The following CDX1 variants were observed in gnomAD, a reference collection of about 807,000 sequenced individuals.
CDX1 encodes homeobox protein CDX-1.
CDX1 carries 9 observed loss-of-function variants against 16.9 expected under a neutral mutation model. That is an observed-to-expected ratio of 0.53 (90% CI 0.32 to 0.93). The LOEUF is 0.93. Among genes scored for constraint, CDX1 ranks in the 40% least tolerant of loss-of-function variants. The pLI is 0.04. For synonymous variants in CDX1, 179 were observed against 179.0 expected, an observed-to-expected ratio of 1.00 and a Z score of 0.00; for missense variants, 393 against 386.1, an observed-to-expected ratio of 1.02 and a Z score of -0.15.
chr5:150,173,637 A>G (rs1761533999), intron 1 of CDX1, among the ~76,000 whole-genome samples: 1 of 152,268 alleles, frequency 6.6e-6, no homozygotes, highest in Non-Finnish European at 1.5e-5. Context: ...GAGATAATGA[A>G]CTATTTATCA....
Position 150,167,156 on chromosome 5 carries a change from C to G in CDX1, c.280C>G (p.Pro94Ala), listed in dbSNP as rs1420617888. ...CAGCCCAGCTTCGCTGGCATTCGGG[C>G]CCCCTCCAGACTTTAGCCCGGTGCC... ...AASPASLAFG[P>A]PPDFSPVPAP... Residue 94 changes from proline (P) to alanine (A), a missense_variant, in exon 1 of 3, where the codon CCC becomes GCC. Physicochemically the swap from Pro to Ala is conservative, Grantham distance 27. Transcript: ENST00000231656. 2 of 1,318,904 alleles carry G rather than the reference C, an allele frequency of 1.5e-6. No individual in the cohort carries two copies. The highest frequency in any genetic ancestry group is 2.2e-5 in the South Asian group (1 of 44,864). The allele number at this position is 1,318,904 out of a possible 1,614,324, so 81.7% of individuals were successfully genotyped here.
chr5:150,177,280 C>G (rs2113952154), intron 1 of CDX1, among the ~76,000 whole-genome samples: 1 of 152,364 alleles, frequency 6.6e-6, no homozygotes, highest in African/African-American at 2.4e-5. Context: ...TTGGGAGGTT[C>G]ACGTTTCCAA....
intron 1 of CDX1, among the ~76,000 whole-genome samples, chr5:150,176,353 C>G (rs1761568997): frequency 6.6e-6 from 1 of 152,248 alleles, no homozygotes; most frequent in African/African-American, 2.4e-5. Context: ...GGGCTCTTTG[C>G]AGTAGCATTC....
At chr5:150,167,525 C>A (rs1761444499) in intron 1 of CDX1, among the ~76,000 whole-genome samples, 2 of 152,226 alleles carry the variant, frequency 1.3e-5, no homozygotes, top group African/African-American at 2.4e-5. Flanking sequence ...ACAGCCTAAC[C>A]CTCTCTCTGT....
In CDX1 at chr5:150,174,673, G is replaced by A. The variant is rs150388272; in HGVS notation, c.445+7352G>A. On this transcript the variant is annotated intron_variant, in intron 1 of 2. Coordinates refer to ENST00000231656, the MANE Select transcript of CDX1 (RefSeq NM_001804.3). ...TTTTATTTAATTAATGTGGCTAGTT[G>A]CTGTCATATTGGACAGTGCAGAAAA... is the stretch of plus-strand genomic sequence containing the variant. Among the ~76,000 whole-genome samples the A allele has an allele frequency of 2.0e-3, 299 of 152,166 alleles. 2 individuals carry two copies. The highest frequency in any genetic ancestry group is 6.9e-3 in the African/African-American group (285 of 41,514).
chr5:150,168,879 T>C (rs1761468923), intron 1 of CDX1, among the ~76,000 whole-genome samples: 1 of 152,248 alleles, frequency 6.6e-6, no homozygotes, highest in South Asian at 2.1e-4. Context: ...AAAAATCTGC[T>C]GAAAGGTACA....
chr5:150,180,598 A>T (rs191276392), intron 1 of CDX1, among the ~76,000 whole-genome samples: 100 of 152,206 alleles, frequency 6.6e-4, no homozygotes, highest in South Asian at 1.0e-3. Context: ...ACCCAAGAAG[A>T]TGAAGGCTGG....
At chr5:150,180,529 TG>T (rs1055520253) in intron 1 of CDX1, among the ~76,000 whole-genome samples, 2 of 151,986 alleles carry the variant, frequency 1.3e-5, no homozygotes, top group Non-Finnish European at 2.9e-5. Context: ...GGCGTCAGAA[TG>T]GGGGCGGGTG....
Position 150,168,824 on chromosome 5 carries a change from T to C in CDX1, c.445+1503T>C, listed in dbSNP as rs79900131. ...GTGAAATTAGAGAGAAGGGAGATTATGCAGTGGTTTGTACCCTTGTTTAAG... is the reference window on the plus strand; with the variant it reads ...GTGAAATTAGAGAGAAGGGAGATTACGCAGTGGTTTGTACCCTTGTTTAAG... On this transcript the variant is annotated intron_variant, in intron 1 of 2. Coordinates refer to ENST00000231656, the MANE Select transcript of CDX1 (RefSeq NM_001804.3). 5.1e-3 allele frequency among the ~76,000 whole-genome samples: 773 copies of C among 152,374 alleles called. 6 individuals carry two copies. The highest frequency in any genetic ancestry group is 0.018 in the African/African-American group (753 of 41,584).
intron 1 of CDX1, among the ~76,000 whole-genome samples, 183 bp downstream of exon 1, chr5:150,167,504 C>T (rs575082588): frequency 6.6e-6 from 1 of 152,224 alleles, no homozygotes; most frequent in East Asian, 1.9e-4. Context: ...GCTATCGGAG[C>T]CTTCAGCAGC....
At chr5:150,169,244 T>C (rs1761472734) in intron 1 of CDX1, among the ~76,000 whole-genome samples, 1 of 152,012 alleles carries the variant, frequency 6.6e-6, no homozygotes, top group Non-Finnish European at 1.5e-5. Flanking sequence ...ACAAATCACC[T>C]CGTGTCTCTG....
chr5:150,168,352 T>C (rs1761461528), intron 1 of CDX1, among the ~76,000 whole-genome samples: 1 of 152,254 alleles, frequency 6.6e-6, no homozygotes, highest in Non-Finnish European at 1.5e-5. Context: ...TCGGGGCAGA[T>C]GCTGGGTTGG....
chr5:150,176,137 A>G (rs1025101448), intron 1 of CDX1, among the ~76,000 whole-genome samples: 1 of 152,160 alleles, frequency 6.6e-6, no homozygotes, highest in Non-Finnish European at 1.5e-5. Flanking sequence ...CGCTGCTACA[A>G]TTTAGGCCCC....
At chr5:150,168,178 G>A (rs1330032880) in intron 1 of CDX1, among the ~76,000 whole-genome samples, 1 of 152,218 alleles carries the variant, frequency 6.6e-6, no homozygotes, top group Non-Finnish European at 1.5e-5. Flanking sequence ...ACTGTGTCCG[G>A]CCTGTCCTGA....
At chr5:150,175,172 T>A (rs917287375) in intron 1 of CDX1, among the ~76,000 whole-genome samples, 2 of 152,240 alleles carry the variant, frequency 1.3e-5, no homozygotes, top group Non-Finnish European at 2.9e-5. Context: ...GTTATTACTT[T>A]GGTCTCCATA....
intron 1 of CDX1, 34 bp from the exon 2 acceptor site, chr5:150,182,734 C>T: frequency 6.5e-7 from 1 of 1,528,600 alleles, no homozygotes. Flanking sequence ...CTCCTCTCAA[C>T]TCACCTTCCT....
At chr5:150,174,819 C>G (rs1248102635) in intron 1 of CDX1, among the ~76,000 whole-genome samples, 1 of 151,412 alleles carries the variant, frequency 6.6e-6, no homozygotes, top group African/African-American at 2.4e-5. Context: ...TCTTGTCGCC[C>G]AGGCTGGACT....
Position 150,167,007 on chromosome 5 carries a change from A to G in CDX1, c.131A>G (p.Asp44Gly). Residue 44 changes from aspartate to glycine, a missense_variant, in exon 1 of 3, where the codon GAC becomes GGC. Physicochemically the swap from Asp to Gly is moderately conservative, Grantham distance 94. Transcript: ENST00000231656. ...CCCCCGGCGCCCCCGCAGTACCCCGACTTCTCCAGCTACTCTCACGTGGAG... is the reference window on the plus strand; with the variant it reads ...CCCCCGGCGCCCCCGCAGTACCCCGGCTTCTCCAGCTACTCTCACGTGGAG... ...APPPAPPQYP[D>G]FSSYSHVEPA... The G allele has an allele frequency of 2.1e-6, 3 of 1,421,924 alleles. No homozygotes were observed. Among genetic ancestry groups the G allele is most frequent in the Non-Finnish European group, 2.7e-6 (3 of 1,091,538 alleles). 88.1% of individuals were successfully genotyped at this position (1,421,924 alleles called of 1,614,324 possible).
At chr5:150,173,783 C>CT (rs57036742) in intron 1 of CDX1, among the ~76,000 whole-genome samples, 13,796 of 152,214 alleles carry the variant, frequency 0.091, 720 homozygotes, top group African/African-American at 0.14. Flanking sequence ...AAATGAGTGG[C>CT]TGGACTAAGC....
Sources: allele counts gnomAD v4.1 joint callset (sites outside exome capture counted in the v4.1 genomes callset), GRCh38; gene constraint gnomAD v4.1.1; transcripts MANE v1.5; gene names NCBI Gene and HGNC (gene_info 2026-07-23, HGNC 2026-07-21).